The following GDF1 variants were observed in gnomAD, a reference collection of about 807,000 sequenced individuals.
GDF1 encodes embryonic growth/differentiation factor 1.
A neutral mutation model predicts 7.4 loss-of-function variants in GDF1; 8 were observed. That is an observed-to-expected ratio of 1.09 (90% CI 0.64 to 1.96). GDF1 has a LOEUF of 1.96. Ranked by LOEUF, GDF1 falls within the 30% of genes most tolerant of loss-of-function variation. GDF1 has a pLI of 0.00. For synonymous variants in GDF1, 311 were observed against 276.7 expected (o/e 1.12, Z -1.23); for missense variants, 574 against 551.5 (o/e 1.04, Z -0.41).
chr19:18,890,981 G>A (rs1027890560), intron 2 of GDF1, among the ~76,000 whole-genome samples: 11 of 151,892 alleles, frequency 7.2e-5, no homozygotes, highest in South Asian at 6.2e-4. Flanking sequence ...AAAATTAGCC[G>A]AGGGTGGTGG....
chr19:18,880,174 G>T, intron 4 of GDF1, 100 bp downstream of exon 4: 5 of 1,207,290 alleles, frequency 4.1e-6, no homozygotes, highest in South Asian at 1.7e-5. Context: ...CCACCTCACC[G>T]GGCCCCGCCT....
At chr19:18,876,200 G>A (rs2056057873) in intron 6 of GDF1, among the ~76,000 whole-genome samples, 1 of 152,168 alleles carries the variant, frequency 6.6e-6, no homozygotes, top group Non-Finnish European at 1.5e-5. Context: ...TAGCCAGGCT[G>A]GTTTCCAACT....
At chr19:18,873,617 C>T (rs2056013029) in intron 6 of GDF1, among the ~76,000 whole-genome samples, 1 of 151,934 alleles carries the variant, frequency 6.6e-6, no homozygotes, top group Admixed American at 6.5e-5. Flanking sequence ...ATGGGTGGAT[C>T]ACCTGAGGTC....
At chr19:18,879,437 T>C in intron 4 of GDF1, 49 bp from the exon 5 acceptor site, 2 of 1,542,976 alleles carry the variant, frequency 1.3e-6, no homozygotes, top group Non-Finnish European at 1.7e-6. Flanking sequence ...GACGGTGCCC[T>C]ACCCAGTCCC....
intron 6 of GDF1, among the ~76,000 whole-genome samples, chr19:18,871,525 G>A (rs934289783): frequency 1.3e-5 from 2 of 152,114 alleles, no homozygotes; most frequent in African/African-American, 4.8e-5. Flanking sequence ...CCTGGCCCCA[G>A]CTAACTTTTT....
intron 6 of GDF1, among the ~76,000 whole-genome samples, chr19:18,876,055 T>C (rs964892240): frequency 2.0e-5 from 3 of 152,154 alleles, no homozygotes; most frequent in Non-Finnish European, 2.9e-5. Context: ...AATGCCTTTT[T>C]TTCACTGCAA....
chr19:18,869,257 C>A lies in GDF1; in HGVS notation c.459G>T (p.Ala153=), dbSNP rs1223559193. ...SRARLELRFA[A]AAAAAPEGGW... is the part of the protein sequence containing the mutation. ...CGCCCTCCGGGGCTGCCGCCGCCGC[C>A]GCCGCGAAACGCAGCTCCAGGCGGG... The change falls in exon 8 of 8, where the codon GCG becomes GCT. Residue 153 remains alanine, a synonymous_variant. Coordinates refer to ENST00000247005, the MANE Select transcript of GDF1 (RefSeq NM_001492.6). 1 of 1,451,554 alleles carries A rather than the reference C, an allele frequency of 6.9e-7. No homozygotes were observed. The allele number at this position is 1,451,554 out of a possible 1,614,324, so 89.9% of individuals were successfully genotyped here. A position where few individuals can be genotyped will look rare whatever the true frequency, so the allele number is the denominator to read the frequency against.
rs2056108598 is a variant in GDF1, at chr19:18,878,554, T to C, written c.-313+376A>G. ...CCTCCCCAGCCCCACTGCCACCAGC[T>C]CCAGTGGCGACATGGGTCAGAGGTC... On this transcript the variant is annotated intron_variant, in intron 6 of 7. Transcript: ENST00000247005. The surrounding 1 kb of genome is among the most constrained non-coding windows in gnomAD (Gnocchi z 4.6). 16 of 1,032,284 alleles carry C rather than the reference T, an allele frequency of 1.5e-5. No homozygotes were observed. The highest frequency in any genetic ancestry group is 1.7e-5 in the African/African-American group (1 of 58,418). 63.9% of individuals were successfully genotyped at this position (1,032,284 alleles called of 1,614,324 possible).
At chr19:18,872,756 T>C (rs2055997251) in intron 6 of GDF1, among the ~76,000 whole-genome samples, 1 of 151,614 alleles carries the variant, frequency 6.6e-6, no homozygotes, top group South Asian at 2.1e-4. Context: ...CCTCAGGTGA[T>C]CCACCCGCCT....
rs2055906624 is a variant in GDF1 at position 18,868,938 on chromosome 19, C to G, written c.778G>C (p.Gly260Arg). ...CGACAAGCGCCCCCGGGGCCGCCGC[C>G]CAACACGGGTTCGGCGTCGCGCCGC... ...RPRRDAEPVLGGGPGGACRAR... is the reference protein window; with the variant it reads ...RPRRDAEPVLRGGPGGACRAR... The change falls in exon 8 of 8, where the codon GGC becomes CGC. Residue 260 changes from glycine (G) to arginine (R), a missense_variant. By Grantham distance (125) the Gly-to-Arg change is moderately radical (BLOSUM62 -2). Transcript: ENST00000247005. 1 of 1,281,436 alleles carries G rather than the reference C, an allele frequency of 7.8e-7. No individual in the cohort carries two copies. Among genetic ancestry groups the G allele is most frequent in the Non-Finnish European group, 9.9e-7 (1 of 1,008,070 alleles). 79.4% of individuals were successfully genotyped at this position (1,281,436 alleles called of 1,614,324 possible). A position where few individuals can be genotyped will look rare whatever the true frequency, so the allele number is the denominator to read the frequency against.
intron 2 of GDF1, among the ~76,000 whole-genome samples, chr19:18,890,134 C>T (rs1349144202): frequency 6.6e-6 from 1 of 152,192 alleles, no homozygotes; most frequent in Non-Finnish European, 1.5e-5. Flanking sequence ...ATGGCATGGC[C>T]CCCACTTGCC....
chr19:18,883,909 C>T (rs1436731183), intron 3 of GDF1, among the ~76,000 whole-genome samples, 178 bp downstream of exon 3: 1 of 152,200 alleles, frequency 6.6e-6, no homozygotes, highest in East Asian at 1.9e-4. Flanking sequence ...CCCTCCTCAG[C>T]CTTCCTGCCT....
At chr19:18,880,510 A>G (rs1277157956) in intron 3 of GDF1, 75 bp from the exon 4 acceptor site, 39 of 1,422,120 alleles carry the variant, frequency 2.7e-5, no homozygotes, top group Non-Finnish European at 2.9e-5. Flanking sequence ...GGCCCCCAGC[A>G]GAGTCCCTGG....
At chr19:18,872,175 C>T (rs879291281) in intron 6 of GDF1, among the ~76,000 whole-genome samples, 2 of 152,222 alleles carry the variant, frequency 1.3e-5, no homozygotes, top group Non-Finnish European at 2.9e-5. Flanking sequence ...ATGGGTGCCC[C>T]CGCCCTGGGG....
At chr19:18,871,468 C>T (rs1357616486) in intron 6 of GDF1, among the ~76,000 whole-genome samples, 1 of 152,150 alleles carries the variant, frequency 6.6e-6, no homozygotes, top group Non-Finnish European at 1.5e-5. Flanking sequence ...GTGATCCGCC[C>T]ACCTTGGCCT....
Position 18,869,144 on chromosome 19 carries a change from C to T in GDF1, c.572G>A (p.Gly191Glu). ...CAGCAGCTCCGCGCGCACTGGCGGC[C>T]CCAGGGCGGGCACCAACTGGCGGAG... ...VLLRQLVPAL[G>E]PPVRAELLGA... The change falls in exon 8 of 8, where the codon GGG becomes GAG. Residue 191 changes from glycine to glutamate, a missense_variant. Physicochemically the swap from Gly to Glu is moderately conservative, Grantham distance 98. Coordinates refer to ENST00000247005, the MANE Select transcript of GDF1 (RefSeq NM_001492.6). The T allele has an allele frequency of 9.0e-7, 1 of 1,116,162 alleles. No homozygotes were observed. The highest frequency in any genetic ancestry group is 1.1e-6 in the Non-Finnish European group (1 of 913,308). 69.1% of individuals were successfully genotyped at this position (1,116,162 alleles called of 1,614,324 possible).
chr19:18,876,536 T>TTG (rs60266196), intron 6 of GDF1, among the ~76,000 whole-genome samples: 97,727 of 143,064 alleles, frequency 0.68, 33,673 homozygotes, highest in Non-Finnish European at 0.74. Context: ...TTTGATTGGG[T>TTG]TGTGTGTGTG....
At position 18,893,572 on chromosome 19, in the gene GDF1, G is replaced by A. The variant is rs2056549999; in HGVS notation, c.-1070C>T. 7 of 1,607,098 alleles carry A rather than the reference G, an allele frequency of 4.4e-6. No homozygotes were observed. Among genetic ancestry groups the A allele is most frequent in the East Asian group, 2.2e-5 (1 of 44,680 alleles). ...GGCTGGAGGCAGCACCGCTTCGCCA[G>A]GGGCTATGGGGGAGAAGACAGGCGG... On this transcript the variant is annotated 5_prime_UTR_variant, in exon 2 of 8. Coordinates refer to ENST00000247005, the MANE Select transcript of GDF1 (RefSeq NM_001492.6).
chr19:18,885,039 G>C (rs2056316660), intron 2 of GDF1, among the ~76,000 whole-genome samples: 1 of 151,850 alleles, frequency 6.6e-6, no homozygotes, highest in African/African-American at 2.4e-5. Flanking sequence ...ATTTTAGGAA[G>C]AGTTTTGGGT....
Sources: allele counts gnomAD v4.1 joint callset (sites outside exome capture counted in the v4.1 genomes callset), GRCh38; gene constraint gnomAD v4.1.1; non-coding constraint Gnocchi (gnomAD v3.1); transcripts MANE v1.5; gene names NCBI Gene and HGNC (gene_info 2026-07-23, HGNC 2026-07-21).